The following DCC variants were observed in gnomAD, a reference collection of about 807,000 sequenced individuals.
The protein encoded by DCC is DCC netrin 1 receptor.
A neutral mutation model predicts 172.5 loss-of-function variants in DCC; 58 were observed. The observed-to-expected ratio is 0.34, with a 90% CI of 0.27 to 0.42. The LOEUF (loss-of-function observed/expected upper bound fraction) is 0.42. Ranked by LOEUF, DCC falls within the 10% of genes least tolerant of loss-of-function variation. DCC has a pLI of 1.00. For synonymous variants in DCC, 709 were observed against 644.5 expected, an observed-to-expected ratio of 1.10 and a Z score of -1.52; for missense variants, 1,740 against 1,791.0, an observed-to-expected ratio of 0.97 and a Z score of 0.51.
chr18:52,710,009 AT>A, intron 1 of DCC, among the ~76,000 whole-genome samples: 1 of 152,304 alleles, frequency 6.6e-6, no homozygotes, highest in African/African-American at 2.4e-5. Flanking sequence ...GGGATTGCCC[AT>A]CAGCCAGATT....
intron 7 of DCC, among the ~76,000 whole-genome samples, chr18:53,096,094 A>T (rs986164172): frequency 1.3e-5 from 2 of 152,108 alleles, no homozygotes; most frequent in Non-Finnish European, 2.9e-5. Context: ...AGCGTGGCAC[A>T]TGTATACATA....
rs180955870 is a variant in DCC at position 52,617,789 on chromosome 18, T to C, written c.92-134265T>C. 5.2e-3 allele frequency among the ~76,000 whole-genome samples: 786 copies of C among 152,278 alleles called. 4 individuals are homozygous for C. Among genetic ancestry groups the C allele is most frequent in the Middle Eastern group, 0.014 (4 of 294 alleles). On this transcript the variant is annotated intron_variant, in intron 1 of 28. Transcript: ENST00000442544. ...AGAAAAAAATACAAAAGTAATGCTA[T>C]AGTTTATCAGTGAAGCATGAAGAGA... is the stretch of plus-strand genomic sequence containing the variant.
chr18:52,587,395 A>G (rs950269456), intron 1 of DCC, among the ~76,000 whole-genome samples: 2 of 152,172 alleles, frequency 1.3e-5, no homozygotes, highest in Non-Finnish European at 2.9e-5. Context: ...GGGTCATCCT[A>G]TCCACTTGAT....
Position 52,752,335 on chromosome 18 carries a change from G to T in DCC, c.373G>T (p.Gly125Cys). 1 of 1,614,166 alleles carries T rather than the reference G, an allele frequency of 6.2e-7. No homozygotes were observed. The highest frequency in any genetic ancestry group is 8.5e-7 in the Non-Finnish European group (1 of 1,180,032). The change falls in exon 2 of 29, where the codon GGC (glycine) becomes TGC (cysteine). Residue 125 changes from glycine (G) to cysteine (C), a missense_variant. Around this residue, in one of 2 missense-constraint regions of DCC, gnomAD observed 1,732 missense variants for 1,767.4 expected, o/e 0.98. Coordinates refer to ENST00000442544, the MANE Select transcript of DCC (RefSeq NM_005215.4). ...YQCEASLGDS[G>C]SIISRTAKVA... is the part of the protein sequence containing the mutation. The stretch of plus-strand genomic sequence containing the variant: ...ATGTGAGGCATCTTTAGGAGATTCT[G>T]GCTCAATTATTAGTCGGACAGCAAA...
chr18:52,970,692 T>TG (rs2041015150), intron 5 of DCC, among the ~76,000 whole-genome samples: 1 of 152,042 alleles, frequency 6.6e-6, no homozygotes, highest in African/African-American at 2.4e-5. Flanking sequence ...TAGCATGGGG[T>TG]GGGGAGGTAC....
At chr18:53,236,688 ATTC>A (rs1466577505) in intron 12 of DCC, among the ~76,000 whole-genome samples, 1 of 152,076 alleles carries the variant, frequency 6.6e-6, no homozygotes, top group Non-Finnish European at 1.5e-5. Flanking sequence ...GTATAAAGAT[ATTC>A]TTCTATGTTT....
At chr18:52,510,662 T>C (rs1233280428) in intron 1 of DCC, among the ~76,000 whole-genome samples, 1 of 152,154 alleles carries the variant, frequency 6.6e-6, no homozygotes, top group Non-Finnish European at 1.5e-5. Context: ...AGTCAGCTAA[T>C]ATCATGGAGT....
At chr18:53,435,311 C>A in intron 22 of DCC, 102 bp downstream of exon 22, 1 of 784,866 alleles carries the variant, frequency 1.3e-6, no homozygotes, top group Non-Finnish European at 2.2e-6. Context: ...GTGCCAGGAA[C>A]CTTGGATTTA....
intron 1 of DCC, among the ~76,000 whole-genome samples, chr18:52,445,345 A>G (rs1196540174): frequency 6.6e-6 from 1 of 152,140 alleles, no homozygotes; most frequent in Non-Finnish European, 1.5e-5. Flanking sequence ...ATTACCAATG[A>G]TATTTGATTT....
At chr18:52,603,591 T>TACACACACACACAC (rs10553153) in intron 1 of DCC, among the ~76,000 whole-genome samples, 70 of 144,700 alleles carry the variant, frequency 4.8e-4, no homozygotes, top group African/African-American at 1.6e-3. Context: ...GTGAAGTTAA[T>TACACACACACACAC]ACACACACAC....
intron 12 of DCC, among the ~76,000 whole-genome samples, chr18:53,291,123 G>T (rs2056999064): frequency 6.6e-6 from 1 of 151,940 alleles, no homozygotes; most frequent in Non-Finnish European, 1.5e-5. Context: ...AGCTGAGATG[G>T]TGCCACTGCA....
intron 1 of DCC, among the ~76,000 whole-genome samples, chr18:52,667,739 T>G (rs1231231760): frequency 6.6e-6 from 1 of 152,008 alleles, no homozygotes; most frequent in African/African-American, 2.4e-5. Context: ...AGCTGGAGGG[T>G]GAGCAGATTG....
At chr18:53,528,422 T>G (rs1161172132) in intron 28 of DCC, among the ~76,000 whole-genome samples, 1 of 152,138 alleles carries the variant, frequency 6.6e-6, no homozygotes, top group Non-Finnish European at 1.5e-5. Context: ...GATCAAGGTT[T>G]GTGGCCACAT....
At chr18:53,377,040 A>C (rs1340595116) in intron 15 of DCC, among the ~76,000 whole-genome samples, 1 of 152,162 alleles carries the variant, frequency 6.6e-6, no homozygotes, top group Non-Finnish European at 1.5e-5. Context: ...CTGAGGAATC[A>C]ATTTCCCTAA....
chr18:53,422,674 T>C (rs1205511375), intron 21 of DCC, among the ~76,000 whole-genome samples: 1 of 152,174 alleles, frequency 6.6e-6, no homozygotes, highest in Non-Finnish European at 1.5e-5. Context: ...TGTTTCAAAT[T>C]TCAGGGAAAT....
At chr18:52,962,611 A>G (rs2040860258) in intron 5 of DCC, among the ~76,000 whole-genome samples, 1 of 151,910 alleles carries the variant, frequency 6.6e-6, no homozygotes, top group Admixed American at 6.6e-5. Context: ...CTGGGTATAT[A>G]CCCAAAGGAC....
chr18:53,182,050 G>C (rs1190743091), intron 9 of DCC, among the ~76,000 whole-genome samples: 1 of 152,174 alleles, frequency 6.6e-6, no homozygotes, highest in Non-Finnish European at 1.5e-5. Flanking sequence ...AATTTGTGCA[G>C]AGCACCTCAC....
intron 27 of DCC, among the ~76,000 whole-genome samples, chr18:53,517,268 A>G (rs545470541): frequency 6.6e-6 from 1 of 151,194 alleles, no homozygotes; most frequent in Admixed American, 6.6e-5. Context: ...TGGACACAGG[A>G]AGGGGAACAT....
chr18:53,033,123 A>C (rs1487281898), intron 5 of DCC, among the ~76,000 whole-genome samples: 3 of 152,144 alleles, frequency 2.0e-5, no homozygotes, highest in Admixed American at 2.0e-4. Flanking sequence ...ACAATGACTT[A>C]TAGAAATAAG....
Sources: allele counts gnomAD v4.1 joint callset (sites outside exome capture counted in the v4.1 genomes callset), GRCh38; gene constraint gnomAD v4.1.1; regional missense constraint gnomAD v4.1.1; transcripts MANE v1.5; gene names NCBI Gene and HGNC (gene_info 2026-07-23, HGNC 2026-07-21).